Variants in EBF1 observed in about 807,000 individuals in gnomAD.
The protein encoded by EBF1 is EBF transcription factor 1, also known as transcription factor COE1.
Under a neutral mutation model 68.4 loss-of-function variants are expected in EBF1, and 10 were observed. The observed-to-expected ratio is 0.15, with a 90% CI of 0.09 to 0.25. The LOEUF is 0.25. Ranked by LOEUF, EBF1 falls within the 10% of genes least tolerant of loss-of-function variation. The pLI, the probability that EBF1 is intolerant of heterozygous loss-of-function variation, is 1.00. For missense variants in EBF1, 509 were observed against 794.4 expected (o/e 0.64, Z 4.32); for synonymous variants, 298 against 299.8 (o/e 0.99, Z 0.06).
intron 6 of EBF1, among the ~76,000 whole-genome samples, chr5:158,943,364 C>T (rs1044732848): frequency 4.0e-5 from 6 of 151,296 alleles, no homozygotes; most frequent in Admixed American, 6.6e-5. Context: ...ACACACATTC[C>T]GGAGGCACTG....
At chr5:159,094,372 T>C (rs1782210019) in intron 4 of EBF1, among the ~76,000 whole-genome samples, 1 of 152,066 alleles carries the variant, frequency 6.6e-6, no homozygotes, top group Admixed American at 6.6e-5. Context: ...TTTCAATCTT[T>C]ATTTTTATTT....
chr5:158,954,486 A>G (rs1276927842), intron 6 of EBF1, among the ~76,000 whole-genome samples: 2 of 152,258 alleles, frequency 1.3e-5, no homozygotes, highest in African/African-American at 4.8e-5. Context: ...AATTATTTGC[A>G]ATGAATTGTT....
intron 6 of EBF1, among the ~76,000 whole-genome samples, chr5:158,935,769 A>G (rs1435451241): frequency 1.3e-5 from 2 of 152,228 alleles, no homozygotes; most frequent in Non-Finnish European, 2.9e-5. Flanking sequence ...AGTAGGGACC[A>G]TGTATTCATT....
At chr5:158,894,304 C>T (rs1801750755) in intron 6 of EBF1, among the ~76,000 whole-genome samples, 9 of 151,812 alleles carry the variant, frequency 5.9e-5, no homozygotes, top group Admixed American at 5.3e-4. Flanking sequence ...TTTTTTCAAG[C>T]TTGAGTTAGG....
At chr5:159,054,718 T>C (rs1241715016) in intron 6 of EBF1, among the ~76,000 whole-genome samples, 4 of 152,238 alleles carry the variant, frequency 2.6e-5, no homozygotes, top group Admixed American at 6.5e-5. Flanking sequence ...GCATGTACTA[T>C]GTGCAACTTA....
At chr5:158,712,934 A>C in intron 13 of EBF1, 36 bp downstream of exon 13, 1 of 1,397,698 alleles carries the variant, frequency 7.2e-7, no homozygotes, top group African/African-American at 1.5e-5. Flanking sequence ...TGGGGTGCTT[A>C]AGGTTGGGGA....
intron 6 of EBF1, among the ~76,000 whole-genome samples, chr5:158,931,096 G>C (rs1017223826): frequency 3.5e-4 from 54 of 152,226 alleles, no homozygotes; most frequent in African/African-American, 1.3e-3. Context: ...CATCAAAGCA[G>C]CAGGTCCAGT....
rs1167341857 is a variant in EBF1, at chr5:158,849,223, G to A, written c.555-9113C>T. 4.6e-5 allele frequency among the ~76,000 whole-genome samples: 7 copies of A among 152,076 alleles called. No individual in the cohort carries two copies. The South Asian group carries it at 1.5e-3, about 32-fold the overall frequency. On this transcript the variant is annotated intron_variant, in intron 6 of 15. Transcript: ENST00000313708. ...AATCAGTTGTGGCTGTTCTGGCAGG[G>A]GCTAGATCAGTGAATCTTTCAAAGT...
intron 6 of EBF1, among the ~76,000 whole-genome samples, chr5:158,905,227 G>C (rs187826598): frequency 7.4e-4 from 113 of 152,284 alleles, no homozygotes; most frequent in African/African-American, 2.6e-3. Flanking sequence ...TTGCTGCCGT[G>C]TAACTCCCAA....
At chr5:159,039,390 C>T (rs1770741747) in intron 6 of EBF1, among the ~76,000 whole-genome samples, 1 of 152,206 alleles carries the variant, frequency 6.6e-6, no homozygotes, top group Admixed American at 6.5e-5. Context: ...TTATTTTTCA[C>T]AGCATGTCAG....
chr5:158,989,031 C>T (rs1655945758), intron 6 of EBF1, among the ~76,000 whole-genome samples: 1 of 152,306 alleles, frequency 6.6e-6, no homozygotes, highest in South Asian at 2.1e-4. Context: ...AGAGGAACAT[C>T]GTTGACGTGT....
At chr5:158,999,647 T>C (rs1762129498) in intron 6 of EBF1, among the ~76,000 whole-genome samples, 1 of 152,206 alleles carries the variant, frequency 6.6e-6, no homozygotes, top group Admixed American at 6.6e-5. Context: ...GAAAACTAAG[T>C]TCAGCAGTTG....
intron 6 of EBF1, among the ~76,000 whole-genome samples, chr5:159,064,712 A>G (rs1409254004): frequency 2.0e-5 from 3 of 152,244 alleles, no homozygotes; most frequent in Non-Finnish European, 4.4e-5. Flanking sequence ...GTTTAAAACC[A>G]TATTCTGAGA....
At chr5:158,890,635 T>C (rs77175709) in intron 6 of EBF1, among the ~76,000 whole-genome samples, 111 of 152,340 alleles carry the variant, frequency 7.3e-4, no homozygotes, top group African/African-American at 2.6e-3. Flanking sequence ...CTTCTATTTA[T>C]ACTTTTCATT....
intron 5 of EBF1, 95 bp downstream of exon 5, chr5:159,084,571 C>CAAAAAA: frequency 1.3e-6 from 1 of 778,954 alleles, no homozygotes; most frequent in African/African-American, 2.0e-5. Context: ...AAATGTGTAC[C>CAAAAAA]AAAAAAAAAA....
chr5:158,958,774 A>G (rs1817625435), intron 6 of EBF1, among the ~76,000 whole-genome samples: 1 of 152,084 alleles, frequency 6.6e-6, no homozygotes, highest in Non-Finnish European at 1.5e-5. Context: ...CTCTTACACA[A>G]CCAGAAACGC....
At chr5:158,754,589 T>G (rs1258279330) in intron 10 of EBF1, among the ~76,000 whole-genome samples, 3 of 152,310 alleles carry the variant, frequency 2.0e-5, no homozygotes, top group South Asian at 2.1e-4. Context: ...CATTCATTCA[T>G]TTATTTATTC....
At chr5:158,774,814 C>A (rs1774740052) in intron 10 of EBF1, among the ~76,000 whole-genome samples, 2 of 152,094 alleles carry the variant, frequency 1.3e-5, no homozygotes, top group African/African-American at 4.8e-5. Context: ...TCAAAAGGTC[C>A]ATGTGTAGGT....
chr5:158,947,275 C>A (rs1814967232), intron 6 of EBF1, among the ~76,000 whole-genome samples: 1 of 152,108 alleles, frequency 6.6e-6, no homozygotes, highest in African/African-American at 2.4e-5. Flanking sequence ...GGTGTCTACC[C>A]AAAGGGCCGC....
Sources: allele counts gnomAD v4.1 joint callset (sites outside exome capture counted in the v4.1 genomes callset), GRCh38; gene constraint gnomAD v4.1.1; transcripts MANE v1.5; gene names NCBI Gene and HGNC (gene_info 2026-07-23, HGNC 2026-07-21).